LTN1: variants seen among roughly 807,000 people sequenced by gnomAD.
The protein encoded by LTN1 is listerin E3 ubiquitin protein ligase 1, also known as E3 ubiquitin-protein ligase listerin.
Under a neutral mutation model 201.2 loss-of-function variants are expected in LTN1, and 88 were observed. The observed-to-expected ratio is 0.44, with a 90% CI of 0.37 to 0.52. The LOEUF (loss-of-function observed/expected upper bound fraction) is 0.52. Ranked by LOEUF, LTN1 falls within the 20% of genes least tolerant of loss-of-function variation. The pLI, the probability that LTN1 is intolerant of heterozygous loss-of-function variation, is 0.00. For missense variants in LTN1, 1,752 were observed against 2,038.7 expected, an observed-to-expected ratio of 0.86 and a Z score of 2.71; for synonymous variants, 645 against 713.5, an observed-to-expected ratio of 0.90 and a Z score of 1.53.
chr21:28,986,992 T>C lies in LTN1; in HGVS notation c.43-58A>G. 1 of 1,145,020 alleles carries C rather than the reference T, an allele frequency of 8.7e-7. No individual in the cohort carries two copies. Among genetic ancestry groups the C allele is most frequent in the Non-Finnish European group, 1.3e-6 (1 of 765,860 alleles). 70.9% of individuals were successfully genotyped at this position (1,145,020 alleles called of 1,614,324 possible). A position where few individuals can be genotyped will look rare whatever the true frequency, so the allele number is the denominator to read the frequency against. ...GTCCAGGAAGGGTTCAAAACTTAAC[T>C]TTATAATTCCTTGGCTATTCCCATG... is the stretch of plus-strand genomic sequence containing the variant. On this transcript the variant is annotated intron_variant, in intron 1 of 29. Transcript: ENST00000361371. The surrounding 1 kb of genome is among the most constrained non-coding windows in gnomAD (Gnocchi z 4.1).
At chr21:28,951,034 CACAA>C (rs1331955302) in intron 18 of LTN1, among the ~76,000 whole-genome samples, 1 of 151,474 alleles carries the variant, frequency 6.6e-6, no homozygotes, top group East Asian at 1.9e-4. Context: ...CTCTCACACA[CACAA>C]ACATACACAA....
intron 11 of LTN1, among the ~76,000 whole-genome samples, chr21:28,963,415 A>G (rs2084495865): frequency 6.6e-6 from 1 of 152,238 alleles, no homozygotes; most frequent in Non-Finnish European, 1.5e-5. Flanking sequence ...TATAAGTGGA[A>G]TAACAAGGAC....
intron 25 of LTN1, 101 bp downstream of exon 25, chr21:28,941,119 C>T (rs1195165111): frequency 1.3e-6 from 1 of 786,728 alleles, no homozygotes; most frequent in Non-Finnish European, 2.0e-6. Flanking sequence ...GAGATTAAAA[C>T]ATAAGGATTT....
At chr21:28,978,687 CT>C (rs1356393871) in intron 6 of LTN1, among the ~76,000 whole-genome samples, 5 of 152,006 alleles carry the variant, frequency 3.3e-5, no homozygotes. Context: ...AGAATGGGAG[CT>C]TTTTTGCATT....
intron 6 of LTN1, among the ~76,000 whole-genome samples, chr21:28,977,596 G>C (rs1169371012): frequency 6.7e-6 from 1 of 149,328 alleles, no homozygotes; most frequent in Non-Finnish European, 1.5e-5. Context: ...GGTGGCAGGC[G>C]CCTCTAATCC....
chr21:28,944,401 T>C lies in LTN1; in HGVS notation c.3964A>G (p.Ile1322Val), dbSNP rs1382835443. Reference sequence around the variant, plus strand: ...CACTTGCCTGTAACAGTCACCAAAATAGGTAAAAGCAAACTGTGGATGCCT... The same window carrying C: ...CACTTGCCTGTAACAGTCACCAAAACAGGTAAAAGCAAACTGTGGATGCCT... ...SQGIHSLLLPILVTVTGENKD... is the reference protein window; with the variant it reads ...SQGIHSLLLPVLVTVTGENKD... Residue 1322 changes from isoleucine (I) to valine (V), a missense_variant, in exon 22 of 30, where the codon ATT becomes GTT. Around this residue, in one of 3 missense-constraint regions of LTN1, gnomAD observed 1,211 missense variants for 1,312.8 expected, o/e 0.92. Transcript: ENST00000361371. 1 of 1,612,576 alleles carries C rather than the reference T, an allele frequency of 6.2e-7. No homozygotes were observed. Among genetic ancestry groups the C allele is most frequent in the South Asian group, 1.1e-5 (1 of 91,032 alleles).
At chr21:28,946,361 T>G (rs1383006076) in intron 19 of LTN1, 74 bp from the exon 20 acceptor site, 2 of 996,048 alleles carry the variant, frequency 2.0e-6, no homozygotes, top group African/African-American at 3.4e-5. Flanking sequence ...AAGTCCACTT[T>G]GAGAAGTAAA....
chr21:28,980,632 A>G (rs1197748041), intron 6 of LTN1, among the ~76,000 whole-genome samples: 1 of 152,110 alleles, frequency 6.6e-6, no homozygotes. Context: ...AATGCTGTGA[A>G]TAGCTCACAA....
chr21:28,959,320 A>C, intron 13 of LTN1, 138 bp downstream of exon 13: 1 of 983,614 alleles, frequency 1.0e-6, no homozygotes, highest in Non-Finnish European at 1.5e-6. Flanking sequence ...AAAGTGTTTA[A>C]GACTGTAGCC....
Position 28,977,885 on chromosome 21 carries a change from G to A in LTN1, c.810+3234C>T, listed in dbSNP as rs559095442. Among the ~76,000 whole-genome samples the A allele has an allele frequency of 5.3e-5, 8 of 151,724 alleles. No homozygotes were observed. In the East Asian group the frequency reaches 1.5e-3, roughly 29 times the overall value. ...AGAGGTTGCAGTGAGCTGAGATCGTGCCACTGCACTTCAGCCTAGGTGACA... is the reference window on the plus strand; with the variant it reads ...AGAGGTTGCAGTGAGCTGAGATCGTACCACTGCACTTCAGCCTAGGTGACA... On this transcript the variant is annotated intron_variant, in intron 6 of 29. Coordinates refer to ENST00000361371, the MANE Select transcript of LTN1 (RefSeq NM_015565.3).
intron 6 of LTN1, 70 bp from the exon 7 acceptor site, chr21:28,971,514 T>C: frequency 7.1e-7 from 1 of 1,410,516 alleles, no homozygotes; most frequent in South Asian, 1.3e-5. Flanking sequence ...TTTATGGTAA[T>C]AGTAGATTAT....
intron 6 of LTN1, among the ~76,000 whole-genome samples, chr21:28,980,726 A>T (rs1048411343): frequency 6.6e-6 from 1 of 152,186 alleles, no homozygotes; most frequent in African/African-American, 2.4e-5. Flanking sequence ...GAAAGTAACT[A>T]CTAAGAATGA....
At chr21:28,944,620 T>C (rs945886853) in intron 21 of LTN1, 24 bp from the exon 22 acceptor site, 5 of 1,516,914 alleles carry the variant, frequency 3.3e-6, no homozygotes, top group Non-Finnish European at 4.6e-6. Context: ...AAAAATGAAA[T>C]AGGTAAACAG....
intron 1 of LTN1, among the ~76,000 whole-genome samples, chr21:28,988,008 T>A (rs1283824747): frequency 6.6e-6 from 1 of 151,992 alleles, no homozygotes; most frequent in African/African-American, 2.4e-5. Context: ...CTGGGCGTGG[T>A]GGCGCACGCC....
At chr21:28,973,580 C>T (rs1401020215) in intron 6 of LTN1, among the ~76,000 whole-genome samples, 2 of 152,036 alleles carry the variant, frequency 1.3e-5, no homozygotes, top group African/African-American at 4.8e-5. Flanking sequence ...AGACAGCAAA[C>T]TTCTAGCTAT....
intron 26 of LTN1, among the ~76,000 whole-genome samples, chr21:28,935,545 T>A (rs2084248357): frequency 1.3e-5 from 2 of 152,104 alleles, no homozygotes; most frequent in South Asian, 4.1e-4. Context: ...AATTTTTTTT[T>A]AAAGTGAAAA....
intron 17 of LTN1, 148 bp downstream of exon 17, chr21:28,953,069 C>T: frequency 2.1e-6 from 1 of 475,294 alleles, no homozygotes; most frequent in South Asian, 6.1e-5. Context: ...ATTTAGAATT[C>T]ATAAACTATT....
intron 4 of LTN1, 68 bp downstream of exon 4, chr21:28,984,624 G>T: frequency 8.9e-7 from 1 of 1,122,312 alleles, no homozygotes; most frequent in South Asian, 1.4e-5. Context: ...TAAAAGAGCT[G>T]TCATTATGCT....
chr21:28,987,600 T>A lies in LTN1; in HGVS notation c.43-666A>T, dbSNP rs150403534. Among the ~76,000 whole-genome samples, 492 of 152,320 alleles carry A rather than the reference T, an allele frequency of 3.2e-3. 2 individuals carry two copies. The highest frequency in any genetic ancestry group is 5.4e-3 in the Non-Finnish European group (368 of 68,028). ...ACAACAGTCAATCTATAATACAGAC[T>A]CCTTTGTTTTGAATCATAGTCAGTG... On this transcript the variant is annotated intron_variant, in intron 1 of 29. Coordinates refer to ENST00000361371, the MANE Select transcript of LTN1 (RefSeq NM_015565.3).
Sources: gnomAD v4.1 joint callset for allele counts (sites outside exome capture counted in the v4.1 genomes callset) on GRCh38, gnomAD v4.1.1 for gene constraint, gnomAD v4.1.1 regional missense constraint, Gnocchi (gnomAD v3.1) non-coding constraint, MANE v1.5 for transcripts, NCBI Gene and HGNC (gene_info 2026-07-23, HGNC 2026-07-21) for gene names.